Variants in BRINP3 observed in about 807,000 individuals in gnomAD.
BRINP3 encodes BMP/retinoic acid inducible neural specific 3.
Under a neutral mutation model 71.0 loss-of-function variants are expected in BRINP3, and 19 were observed. The observed-to-expected ratio is 0.27, with a 90% CI of 0.19 to 0.39. The LOEUF is 0.39. Among genes scored for constraint, BRINP3 ranks in the 10% least tolerant of loss-of-function variants. The pLI is 1.00. For synonymous variants in BRINP3, 380 were observed against 337.7 expected, an observed-to-expected ratio of 1.13 and a Z score of -1.37; for missense variants, 959 against 940.8, an observed-to-expected ratio of 1.02 and a Z score of -0.25.
chr1:190,124,515 C>T (rs971860519), intron 7 of BRINP3, among the ~76,000 whole-genome samples: 1 of 151,986 alleles, frequency 6.6e-6, no homozygotes, highest in Non-Finnish European at 1.5e-5. Flanking sequence ...ATGTACAATG[C>T]GTAGAAGCTG....
intron 2 of BRINP3, among the ~76,000 whole-genome samples, chr1:190,402,924 GC>G (rs1399873008): frequency 1.1e-4 from 17 of 152,090 alleles, no homozygotes; most frequent in Admixed American, 6.5e-5. Flanking sequence ...ACGGTGTTTT[GC>G]TATGTTGCCC....
rs551879896 is a variant in BRINP3, at chr1:190,356,433, G to T, written c.237-74683C>A. ...AGGCTCTGTGAGAAGGTATTAGAAA[G>T]GTAGATGAACAGCAGTACATCCCAA... On this transcript the variant is annotated intron_variant, in intron 2 of 7. Coordinates refer to ENST00000367462, the MANE Select transcript of BRINP3 (RefSeq NM_199051.3). Among the ~76,000 whole-genome samples, 97 of 152,012 alleles carry T rather than the reference G, an allele frequency of 6.4e-4. 4 individuals are homozygous for T. Among genetic ancestry groups the T allele is most frequent in the Middle Eastern group, 6.8e-3 (2 of 294 alleles).
intron 2 of BRINP3, among the ~76,000 whole-genome samples, chr1:190,444,252 A>AAAG (rs1675047597): frequency 6.7e-6 from 1 of 149,900 alleles, no homozygotes; most frequent in Admixed American, 6.6e-5. Flanking sequence ...AAAAAAAAAA[A>AAAG]AAAAAAAAAA....
intron 4 of BRINP3, among the ~76,000 whole-genome samples, chr1:190,249,986 T>C (rs2102810141): frequency 6.6e-6 from 1 of 152,092 alleles, no homozygotes; most frequent in Non-Finnish European, 1.5e-5. Context: ...CTCAGATTTC[T>C]GTCTAAATTA....
intron 2 of BRINP3, among the ~76,000 whole-genome samples, chr1:190,380,027 GA>G (rs66528376): frequency 0.41 from 56,926 of 139,254 alleles, 11,509 homozygotes; most frequent in Admixed American, 0.49. Flanking sequence ...AAAGAAAAAA[GA>G]AAAAAAAAAA....
At position 190,363,408 on chromosome 1, in the gene BRINP3, T is replaced by C. The variant is rs535483295; in HGVS notation, c.237-81658A>G. On this transcript the variant is annotated intron_variant, in intron 2 of 7. Coordinates refer to ENST00000367462, the MANE Select transcript of BRINP3 (RefSeq NM_199051.3). Reference sequence around the variant, plus strand: ...GTTGTTTTAGGCAAATAACTTGATGTTCATTGGTAGACGACAATAGAAACT... The same window carrying C: ...GTTGTTTTAGGCAAATAACTTGATGCTCATTGGTAGACGACAATAGAAACT... Among the ~76,000 whole-genome samples, 16 of 152,266 alleles carry C rather than the reference T, an allele frequency of 1.1e-4. No individual in the cohort carries two copies. In the South Asian group the frequency reaches 3.3e-3, roughly 32 times the overall value.
intron 5 of BRINP3, among the ~76,000 whole-genome samples, chr1:190,231,293 C>T (rs6428016): frequency 0.57 from 86,147 of 151,340 alleles, 24,799 homozygotes; most frequent in Admixed American, 0.69. Context: ...GGAACAAAAA[C>T]AGTTTTTTGA....
intron 6 of BRINP3, among the ~76,000 whole-genome samples, chr1:190,221,427 T>A (rs1267098825): frequency 6.6e-6 from 1 of 152,020 alleles, no homozygotes; most frequent in Non-Finnish European, 1.5e-5. Context: ...GATAAATTCA[T>A]GGAAAATGAA....
intron 6 of BRINP3, among the ~76,000 whole-genome samples, chr1:190,175,034 G>A (rs1245506492): frequency 3.9e-5 from 6 of 152,114 alleles, no homozygotes; most frequent in Non-Finnish European, 4.4e-5. Flanking sequence ...AGATATAAAT[G>A]ATACTGCATG....
intron 6 of BRINP3, among the ~76,000 whole-genome samples, chr1:190,208,170 C>G (rs12073139): frequency 0.14 from 21,410 of 151,416 alleles, 1,998 homozygotes; most frequent in South Asian, 0.27. Flanking sequence ...CTATGTTTCC[C>G]TGGTCTTGAA....
intron 2 of BRINP3, among the ~76,000 whole-genome samples, chr1:190,430,942 A>T (rs1289517841): frequency 6.6e-6 from 1 of 152,030 alleles, no homozygotes; most frequent in Admixed American, 6.6e-5. Flanking sequence ...TGTTCAAATG[A>T]TAATTGTATA....
At chr1:190,327,279 T>A (rs1366814932) in intron 2 of BRINP3, among the ~76,000 whole-genome samples, 5 of 124,494 alleles carry the variant, frequency 4.0e-5, no homozygotes, top group African/African-American at 1.6e-4. Flanking sequence ...CACGCCATTG[T>A]ACTCTGGCCT....
chr1:190,416,493 A>G lies in BRINP3; in HGVS notation c.236+38162T>C, dbSNP rs1673010492. Among the ~76,000 whole-genome samples, 3 of 152,296 alleles carry G rather than the reference A, an allele frequency of 2.0e-5. No individual in the cohort carries two copies. In the South Asian group the frequency reaches 6.2e-4, roughly 32 times the overall value. On this transcript the variant is annotated intron_variant, in intron 2 of 7. Coordinates refer to ENST00000367462, the MANE Select transcript of BRINP3 (RefSeq NM_199051.3). ...TGCTCAAGAAATAACCATGAACTTC[A>G]GCGGTTAAACTACACTTCAAAAACA...
intron 2 of BRINP3, among the ~76,000 whole-genome samples, chr1:190,430,686 C>T (rs1032084636): frequency 1.3e-5 from 2 of 152,110 alleles, no homozygotes; most frequent in African/African-American, 4.8e-5. Flanking sequence ...GGGATAATTT[C>T]CAATTCTCAA....
intron 1 of BRINP3, among the ~76,000 whole-genome samples, chr1:190,467,712 A>C (rs894430963): frequency 2.0e-5 from 3 of 151,580 alleles, no homozygotes; most frequent in African/African-American, 7.2e-5. Flanking sequence ...TCCAAGGACC[A>C]CTTGTCAATA....
At chr1:190,116,364 T>C (rs1330352506) in intron 7 of BRINP3, among the ~76,000 whole-genome samples, 2 of 152,128 alleles carry the variant, frequency 1.3e-5, no homozygotes, top group South Asian at 2.1e-4. Context: ...ACACATACTT[T>C]AGATATGCTA....
rs534227919 is a variant in BRINP3, at chr1:190,328,247, C to A, written c.237-46497G>T. Among the ~76,000 whole-genome samples the A allele has an allele frequency of 6.6e-5, 10 of 152,022 alleles. No homozygotes were observed. In the South Asian group the frequency reaches 2.1e-3, roughly 32 times the overall value. ...TAAAATTGAGACCCAAAAATCCATT[C>A]AAAGAATCAACAAAACAAAAGTTGG... On this transcript the variant is annotated intron_variant, in intron 2 of 7. Coordinates refer to ENST00000367462, the MANE Select transcript of BRINP3 (RefSeq NM_199051.3).
chr1:190,163,691 A>G (rs2102469081), intron 6 of BRINP3, among the ~76,000 whole-genome samples: 1 of 152,248 alleles, frequency 6.6e-6, no homozygotes, highest in Middle Eastern at 3.4e-3. Context: ...CTAATAAATT[A>G]TAGATGAATA....
At chr1:190,246,756 T>C (rs1436313530) in intron 4 of BRINP3, among the ~76,000 whole-genome samples, 1 of 152,054 alleles carries the variant, frequency 6.6e-6, no homozygotes, top group Non-Finnish European at 1.5e-5. Context: ...GCTTGCCTCC[T>C]TTTCCTACAT....
Sources: allele counts gnomAD v4.1 joint callset (sites outside exome capture counted in the v4.1 genomes callset), GRCh38; gene constraint gnomAD v4.1.1; transcripts MANE v1.5; gene names NCBI Gene and HGNC (gene_info 2026-07-23, HGNC 2026-07-21).